The following CAPZA2 variants were observed in gnomAD, a reference collection of about 807,000 sequenced individuals.
CAPZA2 encodes capping actin protein of muscle Z-line subunit alpha 2, also known as F-actin-capping protein subunit alpha-2.
Under a neutral mutation model 44.0 loss-of-function variants are expected in CAPZA2, and 13 were observed. That is an observed-to-expected ratio of 0.30 (90% CI 0.19 to 0.47). The LOEUF is 0.47. Among genes scored for constraint, CAPZA2 ranks in the 20% least tolerant of loss-of-function variants. The pLI is 1.00. For missense variants in CAPZA2, 244 were observed against 338.6 expected, an observed-to-expected ratio of 0.72 and a Z score of 2.19; for synonymous variants, 94 against 108.2, an observed-to-expected ratio of 0.87 and a Z score of 0.81.
chr7:116,892,728 G>A (rs1472501659), intron 2 of CAPZA2, among the ~76,000 whole-genome samples: 3 of 151,868 alleles, frequency 2.0e-5, no homozygotes, highest in Non-Finnish European at 4.4e-5. Context: ...GGTTGGACAA[G>A]CTTGGATTTT....
intron 7 of CAPZA2, 24 bp downstream of exon 7, chr7:116,910,335 G>C: frequency 9.1e-7 from 1 of 1,096,478 alleles, no homozygotes; most frequent in South Asian, 1.2e-5. Context: ...TTTGTTTACT[G>C]ATCTTTAGAT....
chr7:116,911,433 C>T (rs1458870956), intron 7 of CAPZA2, among the ~76,000 whole-genome samples: 2 of 152,210 alleles, frequency 1.3e-5, no homozygotes, highest in Non-Finnish European at 2.9e-5. Context: ...CCAGAGTTGA[C>T]TGGTTTGCTA....
chr7:116,878,514 C>G (rs1796649645), intron 1 of CAPZA2, among the ~76,000 whole-genome samples: 1 of 152,130 alleles, frequency 6.6e-6, no homozygotes, highest in Non-Finnish European at 1.5e-5. Context: ...CCTTTGAAAA[C>G]TGAGGTTTAC....
At chr7:116,889,298 A>C (rs1178158794) in intron 2 of CAPZA2, among the ~76,000 whole-genome samples, 1 of 152,236 alleles carries the variant, frequency 6.6e-6, no homozygotes, top group Non-Finnish European at 1.5e-5. Flanking sequence ...TTCTTCATAT[A>C]CATTTGAACT....
In CAPZA2 at chr7:116,922,024, A is replaced by C. The variant is rs1329069816; in HGVS notation, c.*4157A>C. On this transcript the variant is annotated 3_prime_UTR_variant, in exon 10 of 10. Coordinates refer to ENST00000361183, the MANE Select transcript of CAPZA2 (RefSeq NM_006136.3). ...TTTTGGAAACTAAAATAGTAGTAAG[A>C]GCATTAAAAAAAAGATGTCCTGGAA... 6.6e-6 allele frequency: 1 copy of C among 152,204 alleles called. No individual in the cohort carries two copies. Among genetic ancestry groups the C allele is most frequent in the Non-Finnish European group, 1.5e-5 (1 of 68,044 alleles). The allele number at this position is 152,204 out of a possible 1,614,324, so 9.4% of individuals were successfully genotyped here. A position where few individuals can be genotyped will look rare whatever the true frequency, so the allele number is the denominator to read the frequency against.
chr7:116,863,136 G>T (rs957763663), intron 1 of CAPZA2, among the ~76,000 whole-genome samples: 1 of 152,244 alleles, frequency 6.6e-6, no homozygotes, highest in Admixed American at 6.5e-5. Context: ...TTAGGAAGCA[G>T]ACCTTCACTT....
intron 2 of CAPZA2, among the ~76,000 whole-genome samples, chr7:116,888,896 A>T (rs1466399518): frequency 2.6e-5 from 4 of 152,208 alleles, no homozygotes; most frequent in African/African-American, 9.6e-5. Context: ...GAATTGTGAA[A>T]GGAATTTTTG....
At chr7:116,875,047 C>T (rs1331426026) in intron 1 of CAPZA2, 1 of 152,226 alleles carries the variant, frequency 6.6e-6, no homozygotes, top group African/African-American at 2.4e-5. Flanking sequence ...GGGGATGGTA[C>T]CAGTATACTC....
Position 116,866,306 on chromosome 7 carries a change from G to C in CAPZA2, c.39+3656G>C, listed in dbSNP as rs572144693. On this transcript the variant is annotated intron_variant, in intron 1 of 9. Transcript: ENST00000361183. ...CCTGCCTCAGCCTCCCGAGTAGCTG[G>C]GACTACAGGCGCCTGCCACCGCGCC... Among the ~76,000 whole-genome samples, 1,475 of 152,090 alleles carry C rather than the reference G, an allele frequency of 9.7e-3. 12 individuals carry two copies. The highest frequency in any genetic ancestry group is 0.027 in the Middle Eastern group (8 of 294).
intron 1 of CAPZA2, among the ~76,000 whole-genome samples, chr7:116,864,709 A>G (rs1016915569): frequency 2.6e-5 from 4 of 152,078 alleles, no homozygotes; most frequent in African/African-American, 9.7e-5. Context: ...ATATTTTAAT[A>G]TTACTCGTTC....
chr7:116,888,152 T>C lies in CAPZA2; in HGVS notation c.65T>C (p.Ile22Thr). 1 of 1,611,686 alleles carries C rather than the reference T, an allele frequency of 6.2e-7. No individual in the cohort carries two copies. Among genetic ancestry groups the C allele is most frequent in the Non-Finnish European group, 8.5e-7 (1 of 1,178,776 alleles). The change falls in exon 2 of 10, where the codon ATT (isoleucine) becomes ACT (threonine). Residue 22 changes from isoleucine to threonine, a missense_variant. Ile to Thr is a moderately conservative substitution (Grantham distance 89). Transcript: ENST00000361183. ...EKVRIAAKFIIHAPPGEFNEV... is the reference protein window; with the variant it reads ...EKVRIAAKFITHAPPGEFNEV... ...GTGCGTATAGCAGCAAAATTCATCA[T>C]TCATGCCCCTCCTGGAGAATTTAAT...
chr7:116,863,630 T>C (rs1369900430), intron 1 of CAPZA2, among the ~76,000 whole-genome samples: 1 of 152,182 alleles, frequency 6.6e-6, no homozygotes. Flanking sequence ...GGGAGAACCC[T>C]GCTAATTTTG....
At chr7:116,892,214 T>G (rs78961666) in intron 2 of CAPZA2, among the ~76,000 whole-genome samples, 2,035 of 152,304 alleles carry the variant, frequency 0.013, 66 homozygotes, top group East Asian at 0.091. Flanking sequence ...TAATGGAAGA[T>G]ATTTAGGTTG....
intron 4 of CAPZA2, 108 bp from the exon 5 acceptor site, chr7:116,904,069 G>A (rs1373771006): frequency 4.5e-6 from 3 of 670,444 alleles, no homozygotes; most frequent in African/African-American, 1.8e-5. Flanking sequence ...CTTGGAGTAG[G>A]ATTGTTTTAT....
intron 3 of CAPZA2, among the ~76,000 whole-genome samples, chr7:116,895,671 A>G (rs1284669213): frequency 6.7e-6 from 1 of 149,454 alleles, no homozygotes; most frequent in Non-Finnish European, 1.5e-5. Flanking sequence ...TTTGCTTACT[A>G]GTAAAAAAAA....
Position 116,865,177 on chromosome 7 carries a change from C to CTTTTTT in CAPZA2, c.39+2548_39+2553dup, listed in dbSNP as rs1011886318. Among the ~76,000 whole-genome samples, 51 of 87,998 alleles carry CTTTTTT rather than the reference C, an allele frequency of 5.8e-4. 2 individuals are homozygous for CTTTTTT. Among genetic ancestry groups the CTTTTTT allele is most frequent in the East Asian group, 1.6e-3 (4 of 2,472 alleles). The allele number at this position is 87,998 out of a possible 152,430, so 57.7% of individuals were successfully genotyped here. A position where few individuals can be genotyped will look rare whatever the true frequency, so the allele number is the denominator to read the frequency against. On this transcript the variant is annotated intron_variant, in intron 1 of 9. Coordinates refer to ENST00000361183, the MANE Select transcript of CAPZA2 (RefSeq NM_006136.3). ...TTCTTGTGACATTATGCGCTCTCTT[C>CTTTTTT]TTTTTTTTTTTTTTTTTTTTTTTTT...
intron 1 of CAPZA2, among the ~76,000 whole-genome samples, chr7:116,869,067 T>C (rs1348807946): frequency 6.6e-6 from 1 of 152,210 alleles, no homozygotes; most frequent in Non-Finnish European, 1.5e-5. Context: ...AAATAATTTT[T>C]AAGGTTGAAA....
intron 2 of CAPZA2, among the ~76,000 whole-genome samples, chr7:116,892,176 A>G (rs1796854251): frequency 6.6e-6 from 1 of 152,166 alleles, no homozygotes. Flanking sequence ...TGTAAGAATT[A>G]TAGTCTTTTT....
intron 1 of CAPZA2, among the ~76,000 whole-genome samples, chr7:116,865,868 A>G (rs556333552): frequency 3.9e-5 from 6 of 152,246 alleles, no homozygotes; most frequent in African/African-American, 4.8e-5. Context: ...GGCATGAGCC[A>G]TGATTCCTAG....
Sources: gnomAD v4.1 joint callset for allele counts (sites outside exome capture counted in the v4.1 genomes callset) on GRCh38, gnomAD v4.1.1 for gene constraint, MANE v1.5 for transcripts, NCBI Gene and HGNC (gene_info 2026-07-23, HGNC 2026-07-21) for gene names.